DNER: variants seen among roughly 807,000 people sequenced by gnomAD.
The protein encoded by DNER is delta and Notch-like epidermal growth factor-related receptor.
A neutral mutation model predicts 78.2 loss-of-function variants in DNER; 33 were observed. The observed-to-expected ratio is 0.42, with a 90% CI of 0.32 to 0.56. DNER has a LOEUF of 0.56. Among genes scored for constraint, DNER ranks in the 20% least tolerant of loss-of-function variants. The probability of loss-of-function intolerance (pLI) is 0.11; values close to 1 mark genes in which losing one functional copy is unlikely to be tolerated. For missense variants in DNER, 918 were observed against 975.3 expected (o/e 0.94, Z 0.78); for synonymous variants, 417 against 384.8 (o/e 1.08, Z -0.98).
chr2:229,385,513 GA>G (rs1470091036), intron 11 of DNER, among the ~76,000 whole-genome samples: 1 of 152,154 alleles, frequency 6.6e-6, no homozygotes, highest in Non-Finnish European at 1.5e-5. Context: ...ATTCAAATAA[GA>G]AGAGAGGAAG....
chr2:229,552,936 G>A (rs1384964883), intron 4 of DNER, among the ~76,000 whole-genome samples: 2 of 152,154 alleles, frequency 1.3e-5, no homozygotes, highest in Non-Finnish European at 2.9e-5. Context: ...CCGGGCTTGC[G>A]ACAAGGCCAC....
At position 229,547,205 on chromosome 2, in the gene DNER, A is replaced by C; in HGVS notation, c.848-113T>G. On this transcript the variant is annotated intron_variant, in intron 4 of 12. Coordinates refer to ENST00000341772, the MANE Select transcript of DNER (RefSeq NM_139072.4). The stretch of plus-strand genomic sequence containing the variant: ...AGACTATGAATTTAGTGTAGGCAGC[A>C]CTCAAGTCTGACAAAACAAAATGCA... The C allele has an allele frequency of 2.1e-6, 3 of 1,427,904 alleles. No homozygotes were observed. In the Admixed American group the frequency reaches 6.9e-5, roughly 33 times the overall value. 88.5% of individuals were successfully genotyped at this position (1,427,904 alleles called of 1,614,324 possible). A position where few individuals can be genotyped will look rare whatever the true frequency, so the allele number is the denominator to read the frequency against.
chr2:229,521,038 T>A (rs931365440), intron 5 of DNER, among the ~76,000 whole-genome samples: 10 of 152,234 alleles, frequency 6.6e-5, no homozygotes, highest in Non-Finnish European at 1.5e-4. Flanking sequence ...AGCCCCAGCC[T>A]TGGCGGAAGC....
At chr2:229,436,805 T>C (rs1004905540) in intron 8 of DNER, among the ~76,000 whole-genome samples, 1 of 152,154 alleles carries the variant, frequency 6.6e-6, no homozygotes, top group Admixed American at 6.5e-5. Context: ...AAGTGCTAAA[T>C]ATGGAAAGGA....
At chr2:229,390,043 G>A (rs207670) in intron 10 of DNER, among the ~76,000 whole-genome samples, 106,849 of 152,124 alleles carry the variant, frequency 0.7, 37,863 homozygotes, top group East Asian at 0.91. Flanking sequence ...CTGGTTGAAG[G>A]GACATATGAT....
At chr2:229,698,505 C>T (rs1014206564) in intron 1 of DNER, among the ~76,000 whole-genome samples, 2 of 152,102 alleles carry the variant, frequency 1.3e-5, no homozygotes, top group Non-Finnish European at 2.9e-5. Flanking sequence ...TCTGTAGGGT[C>T]CGGGGAAAGC....
At chr2:229,672,674 G>C (rs1399548393) in intron 1 of DNER, among the ~76,000 whole-genome samples, 1 of 151,446 alleles carries the variant, frequency 6.6e-6, no homozygotes, top group Non-Finnish European at 1.5e-5. Flanking sequence ...TTAAGGGAGA[G>C]ATATGAGATA....
In DNER at chr2:229,588,495, A is replaced by AT. The variant is rs2154214544; in HGVS notation, c.586-8_586-7insA. Reference sequence around the variant, plus strand: ...AGGCAATATCTGGGATCACCTGGGAAGGGAAAAAAAAAACGACATATGATT... The same window carrying AT: ...AGGCAATATCTGGGATCACCTGGGAATGGGAAAAAAAAAACGACATATGATT... On this transcript the variant is annotated splice_region_variant and splice_polypyrimidine_tract_variant and intron_variant, in intron 2 of 12. Coordinates refer to ENST00000341772, the MANE Select transcript of DNER (RefSeq NM_139072.4). 1 of 1,269,188 alleles carries AT rather than the reference A, an allele frequency of 7.9e-7. No individual in the cohort carries two copies. Among genetic ancestry groups the AT allele is most frequent in the Non-Finnish European group, 1.1e-6 (1 of 937,196 alleles). The allele number at this position is 1,269,188 out of a possible 1,614,324, so 78.6% of individuals were successfully genotyped here. A position where few individuals can be genotyped will look rare whatever the true frequency, so the allele number is the denominator to read the frequency against.
At position 229,426,872 on chromosome 2, in the gene DNER, TA is replaced by T. The variant is rs1018312529; in HGVS notation, c.1487-8643del. ...ACACACACACACACAACACACACAA[TA>T]AAGCCAGAAAATACTTGTGAACATG... On this transcript the variant is annotated intron_variant, in intron 8 of 12. Coordinates refer to ENST00000341772, the MANE Select transcript of DNER (RefSeq NM_139072.4). Among the ~76,000 whole-genome samples, 19 of 152,146 alleles carry T rather than the reference TA, an allele frequency of 1.2e-4. No individual in the cohort carries two copies. In the East Asian group the frequency reaches 3.7e-3, roughly 29 times the overall value.
intron 1 of DNER, among the ~76,000 whole-genome samples, chr2:229,625,966 C>T (rs1167786994): frequency 1.3e-5 from 2 of 151,752 alleles, no homozygotes; most frequent in African/African-American, 4.8e-5. Context: ...TTTGCCCAGG[C>T]CGGACTGCAG....
chr2:229,500,499 A>G (rs1247884068), intron 6 of DNER, among the ~76,000 whole-genome samples: 1 of 152,226 alleles, frequency 6.6e-6, no homozygotes, highest in African/African-American at 2.4e-5. Context: ...CTAAAATAGA[A>G]CTACTGCATG....
intron 4 of DNER, among the ~76,000 whole-genome samples, chr2:229,567,754 T>C (rs72985999): frequency 1.3e-5 from 2 of 152,182 alleles, no homozygotes; most frequent in Non-Finnish European, 2.9e-5. Context: ...TGATTGTCCC[T>C]GTTCCCAATC....
At chr2:229,594,483 A>G (rs1365535019) in intron 1 of DNER, among the ~76,000 whole-genome samples, 3 of 152,156 alleles carry the variant, frequency 2.0e-5, no homozygotes, top group Non-Finnish European at 4.4e-5. Flanking sequence ...GCTACTAGAG[A>G]GGCTAAGGCG....
intron 1 of DNER, among the ~76,000 whole-genome samples, chr2:229,621,324 A>G (rs898275588): frequency 3.3e-5 from 5 of 152,190 alleles, no homozygotes; most frequent in African/African-American, 4.8e-5. Context: ...TGAAAATTGT[A>G]TTCACCTGCT....
chr2:229,508,634 C>G (rs2154212190), intron 6 of DNER, among the ~76,000 whole-genome samples: 1 of 152,248 alleles, frequency 6.6e-6, no homozygotes, highest in African/African-American at 2.4e-5. Context: ...GTAATCCCAG[C>G]ACTTTGGGAG....
Position 229,496,541 on chromosome 2 carries a change from T to C in DNER, c.1147+16242A>G, listed in dbSNP as rs186120178. ...CATGAATTTTTTTAAGTCCTAATTA[T>C]ATGATGCCTACCAGAGATTCACTTC... On this transcript the variant is annotated intron_variant, in intron 6 of 12. Transcript: ENST00000341772. Among the ~76,000 whole-genome samples, 98 of 152,280 alleles carry C rather than the reference T, an allele frequency of 6.4e-4. 1 individual carries two copies. The East Asian group carries it at 0.017, about 26-fold the overall frequency.
chr2:229,665,852 C>T (rs1699084155), intron 1 of DNER, among the ~76,000 whole-genome samples: 1 of 152,180 alleles, frequency 6.6e-6, no homozygotes, highest in Non-Finnish European at 1.5e-5. Context: ...CTCTGTGAGT[C>T]TAGGCCTTTA....
chr2:229,436,177 A>T (rs992139683), intron 8 of DNER, among the ~76,000 whole-genome samples: 2 of 152,094 alleles, frequency 1.3e-5, no homozygotes, highest in Non-Finnish European at 1.5e-5. Flanking sequence ...TTTAGCTCCC[A>T]CTTATAAGCG....
chr2:229,436,488 A>T (rs1694121628), intron 8 of DNER, among the ~76,000 whole-genome samples: 1 of 152,184 alleles, frequency 6.6e-6, no homozygotes, highest in African/African-American at 2.4e-5. Context: ...CATGCCCAAG[A>T]TAGTCATCAG....
Sources: gnomAD v4.1 joint callset for allele counts (sites outside exome capture counted in the v4.1 genomes callset) on GRCh38, gnomAD v4.1.1 for gene constraint, MANE v1.5 for transcripts, NCBI Gene and HGNC (gene_info 2026-07-23, HGNC 2026-07-21) for gene names.